Variants in NKAIN3 observed in about 807,000 individuals in gnomAD.
NKAIN3 encodes the protein sodium/potassium-transporting ATPase subunit beta-1-interacting protein 3.
NKAIN3 carries 25 observed loss-of-function variants against 30.2 expected under a neutral mutation model. The ratio of observed to expected loss-of-function variants is 0.83; its 90% CI spans 0.60 to 1.16. NKAIN3 has a LOEUF of 1.16. NKAIN3 is among the 50% of genes most tolerant of loss of function. NKAIN3 has a pLI of 0.00. For synonymous variants in NKAIN3, 91 were observed against 89.6 expected, an observed-to-expected ratio of 1.02 and a Z score of -0.09; for missense variants, 225 against 254.1, an observed-to-expected ratio of 0.89 and a Z score of 0.78.
chr8:62,990,378 T>C, intron 5 of NKAIN3: 1 of 1,236,488 alleles, frequency 8.1e-7, no homozygotes, highest in Non-Finnish European at 1.0e-6. Context: ...GTCTAATATA[T>C]AAATTTTATG....
At chr8:62,763,971 G>C (rs185593172) in intron 4 of NKAIN3, among the ~76,000 whole-genome samples, 1 of 152,156 alleles carries the variant, frequency 6.6e-6, no homozygotes, top group African/African-American at 2.4e-5. Flanking sequence ...GGGGAGGTTC[G>C]GGCTGACATC....
At chr8:62,445,445 C>T (rs1027767737) in intron 1 of NKAIN3, among the ~76,000 whole-genome samples, 9 of 151,988 alleles carry the variant, frequency 5.9e-5, no homozygotes, top group Admixed American at 5.9e-4. Context: ...GAAATTGAGC[C>T]TCAGGTTAAA....
intron 1 of NKAIN3, among the ~76,000 whole-genome samples, chr8:62,302,872 G>T (rs1323223135): frequency 7.0e-6 from 1 of 142,264 alleles, no homozygotes; most frequent in Non-Finnish European, 1.5e-5. Context: ...CATGCTCCCT[G>T]GGATTTCTTT....
intron 4 of NKAIN3, among the ~76,000 whole-genome samples, chr8:62,861,116 G>A (rs1342522508): frequency 6.6e-6 from 1 of 152,190 alleles, no homozygotes; most frequent in Non-Finnish European, 1.5e-5. Flanking sequence ...CAGTGATGAT[G>A]TCTCCCATAG....
intron 1 of NKAIN3, among the ~76,000 whole-genome samples, chr8:62,296,930 C>T (rs959950619): frequency 1.3e-5 from 2 of 152,124 alleles, no homozygotes; most frequent in East Asian, 3.9e-4. Flanking sequence ...CCCATTTGCT[C>T]ATTATAGAGA....
chr8:62,784,928 T>G lies in NKAIN3; in HGVS notation c.471+37799T>G, dbSNP rs568233472. Among the ~76,000 whole-genome samples the G allele has an allele frequency of 1.7e-4, 26 of 152,308 alleles. No homozygotes were observed. In the East Asian group the frequency reaches 4.8e-3, roughly 28 times the overall value. On this transcript the variant is annotated intron_variant, in intron 4 of 6. Transcript: ENST00000623646. The stretch of plus-strand genomic sequence containing the variant: ...GAAATAGTCACTTCACACCCACTAA[T>G]TGGGCTATGATTTAAAAAGACAGAC...
At chr8:62,461,956 T>G (rs1306156534) in intron 1 of NKAIN3, among the ~76,000 whole-genome samples, 11 of 152,178 alleles carry the variant, frequency 7.2e-5, no homozygotes, top group African/African-American at 2.7e-4. Flanking sequence ...CTTAAAAACA[T>G]TAATCTTCAC....
chr8:62,805,151 A>G (rs1037229583), intron 4 of NKAIN3, among the ~76,000 whole-genome samples: 1 of 152,044 alleles, frequency 6.6e-6, no homozygotes, highest in Non-Finnish European at 1.5e-5. Flanking sequence ...GAAATAAAAG[A>G]GGATACAAAC....
Position 62,966,078 on chromosome 8 carries a change from A to C in NKAIN3, c.*671A>C, listed in dbSNP as rs1358277217. ...AGGCACATGGAAGAGTAAAAGGATT[A>C]GTAGAACCCCTTTCCCCTTTGGAGG... On this transcript the variant is annotated 3_prime_UTR_variant, in exon 7 of 7. Coordinates refer to ENST00000623646, the MANE Select transcript of NKAIN3 (RefSeq NM_001304533.3). 7.1e-6 allele frequency: 7 copies of C among 982,366 alleles called. No homozygotes were observed. In the African/African-American group the frequency reaches 1.0e-4, roughly 15 times the overall value. 60.9% of individuals were successfully genotyped at this position (982,366 alleles called of 1,614,324 possible).
At chr8:62,625,059 T>A (rs900350519) in intron 3 of NKAIN3, among the ~76,000 whole-genome samples, 7 of 152,086 alleles carry the variant, frequency 4.6e-5, no homozygotes, top group Non-Finnish European at 1.0e-4. Context: ...AAATTCCTGG[T>A]CTGATAATTT....
At chr8:62,950,962 T>TC (rs1215154527) in intron 5 of NKAIN3, among the ~76,000 whole-genome samples, 1 of 151,260 alleles carries the variant, frequency 6.6e-6, no homozygotes, top group Non-Finnish European at 1.5e-5. Context: ...TTTTTTTTTT[T>TC]TTTTTTTAGA....
At chr8:62,696,156 T>C (rs1478654700) in intron 3 of NKAIN3, among the ~76,000 whole-genome samples, 1 of 152,196 alleles carries the variant, frequency 6.6e-6, no homozygotes, top group African/African-American at 2.4e-5. Context: ...TTGATCACTG[T>C]ATTTTCGTGT....
chr8:62,761,818 T>G (rs17264551), intron 4 of NKAIN3, among the ~76,000 whole-genome samples: 12,271 of 152,286 alleles, frequency 0.081, 509 homozygotes, highest in Non-Finnish European at 0.085. Flanking sequence ...GCTTTTATGC[T>G]GCTTGCTAAT....
Position 62,685,553 on chromosome 8 carries a change from A to C in NKAIN3, c.274-61379A>C, listed in dbSNP as rs73685433. 9.8e-3 allele frequency among the ~76,000 whole-genome samples: 1,491 copies of C among 152,322 alleles called. 23 individuals are homozygous for C. Among genetic ancestry groups the C allele is most frequent in the African/African-American group, 0.034 (1,412 of 41,572 alleles). The stretch of plus-strand genomic sequence containing the variant: ...ACTTCCCTTATTCTTTCCTTTTAAC[A>C]AAGCAAGTTCAGGAAAATTAATTCT... On this transcript the variant is annotated intron_variant, in intron 3 of 6. Coordinates refer to ENST00000623646, the MANE Select transcript of NKAIN3 (RefSeq NM_001304533.3).
chr8:62,490,040 T>A (rs1278460784), intron 1 of NKAIN3, among the ~76,000 whole-genome samples: 1 of 152,246 alleles, frequency 6.6e-6, no homozygotes, highest in African/African-American at 2.4e-5. Flanking sequence ...TGGAAAATAC[T>A]ACAGTAAAGG....
chr8:62,833,128 AT>A (rs1819248419), intron 4 of NKAIN3, among the ~76,000 whole-genome samples: 1 of 152,100 alleles, frequency 6.6e-6, no homozygotes, highest in African/African-American at 2.4e-5. Flanking sequence ...AAATGAAAAA[AT>A]TCTTTGAAAT....
At chr8:62,741,416 A>AGGC (rs1815880027) in intron 3 of NKAIN3, among the ~76,000 whole-genome samples, 1 of 128,324 alleles carries the variant, frequency 7.8e-6, no homozygotes, top group African/African-American at 3.2e-5. Flanking sequence ...GGAAGGAAGG[A>AGGC]AGGAAGGCAG....
intron 3 of NKAIN3, among the ~76,000 whole-genome samples, chr8:62,633,549 T>G (rs1465416977): frequency 1.3e-5 from 2 of 152,136 alleles, no homozygotes; most frequent in African/African-American, 4.8e-5. Flanking sequence ...CAGGCATCAG[T>G]GGCTGCAGGA....
At chr8:62,442,438 C>T (rs142510074) in intron 1 of NKAIN3, among the ~76,000 whole-genome samples, 214 of 151,958 alleles carry the variant, frequency 1.4e-3, no homozygotes, top group African/African-American at 4.8e-3. Context: ...ATTTCCCTTT[C>T]AAATTCTATA....
Sources: allele counts gnomAD v4.1 joint callset (sites outside exome capture counted in the v4.1 genomes callset), GRCh38; gene constraint gnomAD v4.1.1; transcripts MANE v1.5; gene names NCBI Gene and HGNC (gene_info 2026-07-23, HGNC 2026-07-21).